The following CSMD1 variants were observed in gnomAD, a reference collection of about 807,000 sequenced individuals.
CSMD1 encodes the protein CUB and Sushi multiple domains 1, also known as CUB and sushi domain-containing protein 1.
In CSMD1, 213 loss-of-function variants were observed where a neutral mutation model predicts 417.5. The ratio of observed to expected loss-of-function variants is 0.51; its 90% confidence interval spans 0.46 to 0.57. CSMD1 has a LOEUF of 0.57. Ranked by LOEUF, CSMD1 falls within the 20% of genes least tolerant of loss-of-function variation. The probability of loss-of-function intolerance (pLI) is 0.00; values close to 1 mark genes in which losing one functional copy is unlikely to be tolerated. For synonymous variants in CSMD1, 2,862 were observed against 1,736.8 expected (o/e 1.65, Z -16.11); for missense variants, 6,923 against 4,529.7 (o/e 1.53, Z -15.17).
intron 18 of CSMD1, among the ~76,000 whole-genome samples, chr8:3,381,312 T>G (rs1463251808): frequency 6.6e-6 from 1 of 151,972 alleles, no homozygotes. Context: ...TATGTTAAAA[T>G]TCTATTTTTG....
chr8:4,082,328 AC>A (rs1391255058), intron 3 of CSMD1, among the ~76,000 whole-genome samples: 5 of 152,304 alleles, frequency 3.3e-5, no homozygotes, highest in African/African-American at 9.6e-5. Flanking sequence ...GATATTACAA[AC>A]TTTTTTAAAG....
chr8:4,301,206 C>T (rs11988129), intron 3 of CSMD1, among the ~76,000 whole-genome samples: 2 of 152,018 alleles, frequency 1.3e-5, no homozygotes, highest in Non-Finnish European at 2.9e-5. Context: ...GTCTGCTAAA[C>T]TTTTGGCTAG....
At chr8:3,725,744 T>C (rs762180738) in intron 6 of CSMD1, among the ~76,000 whole-genome samples, 1 of 152,026 alleles carries the variant, frequency 6.6e-6, no homozygotes, top group Non-Finnish European at 1.5e-5. Context: ...TGCTGTGTTG[T>C]TAGTGAGGGC....
chr8:3,894,842 C>T (rs1377357974), intron 5 of CSMD1, among the ~76,000 whole-genome samples: 1 of 152,170 alleles, frequency 6.6e-6, no homozygotes, highest in Non-Finnish European at 1.5e-5. Flanking sequence ...TTTGCTCTGG[C>T]TCTATTCTAA....
At position 4,005,365 on chromosome 8, in the gene CSMD1, C is replaced by T. The variant is rs560309577; in HGVS notation, c.611-7255G>A. The stretch of plus-strand genomic sequence containing the variant: ...CAGAAAACGTAATGCAGGGGCGGGT[C>T]CGGCTCCTTGAACAGACACACGTGG... On this transcript the variant is annotated intron_variant, in intron 4 of 69. Transcript: ENST00000635120. 2.0e-4 allele frequency among the ~76,000 whole-genome samples: 31 copies of T among 152,228 alleles called. No homozygotes were observed. The South Asian group carries it at 6.4e-3, about 32-fold the overall frequency.
intron 5 of CSMD1, among the ~76,000 whole-genome samples, chr8:3,801,788 G>A (rs886844887): frequency 6.6e-6 from 1 of 152,082 alleles, no homozygotes; most frequent in Non-Finnish European, 1.5e-5. Context: ...CATTTTACGG[G>A]TCATTAAAAA....
intron 3 of CSMD1, among the ~76,000 whole-genome samples, chr8:4,185,907 T>C (rs569173505): frequency 1.3e-5 from 2 of 152,256 alleles, no homozygotes; most frequent in Admixed American, 1.3e-4. Context: ...TTGTAAACTG[T>C]TATTACGTTG....
chr8:4,390,497 T>TTTTTTTTTTTTATTTATTTATTTA (rs58291340), intron 3 of CSMD1, among the ~76,000 whole-genome samples: 3 of 140,322 alleles, frequency 2.1e-5, no homozygotes, highest in Non-Finnish European at 4.6e-5. Context: ...AAGCGTCCAT[T>TTTTTTTTTTTTATTTATTTATTTA]TTTATTTATT....
intron 5 of CSMD1, among the ~76,000 whole-genome samples, chr8:3,925,767 T>G (rs2204224): frequency 6.6e-6 from 1 of 151,866 alleles, no homozygotes; most frequent in Non-Finnish European, 1.5e-5. Context: ...GTAAGTCCCA[T>G]TGAACCTCTT....
At chr8:4,645,491 G>A (rs577255911) in intron 1 of CSMD1, among the ~76,000 whole-genome samples, 193 of 145,970 alleles carry the variant, frequency 1.3e-3, no homozygotes, top group African/African-American at 4.5e-3. Context: ...CTGGGCTTCG[G>A]ATCAAACAAA....
intron 1 of CSMD1, among the ~76,000 whole-genome samples, chr8:4,655,065 A>G (rs1008514693): frequency 1.3e-5 from 2 of 152,170 alleles, no homozygotes; most frequent in African/African-American, 4.8e-5. Flanking sequence ...ATCTTTGTAA[A>G]TCATTTGTCC....
At chr8:3,069,410 G>A (rs1298816615) in intron 49 of CSMD1, among the ~76,000 whole-genome samples, 1 of 151,814 alleles carries the variant, frequency 6.6e-6, no homozygotes, top group African/African-American at 2.4e-5. Flanking sequence ...ACACCAGCAT[G>A]GGTGACAGAG....
chr8:4,905,721 G>A (rs947672811), intron 1 of CSMD1, among the ~76,000 whole-genome samples: 4 of 150,530 alleles, frequency 2.7e-5, no homozygotes, highest in African/African-American at 4.9e-5. Flanking sequence ...TCGGGAGGCT[G>A]AGGCAGGAGA....
chr8:4,177,370 C>T (rs1218668732), intron 3 of CSMD1, among the ~76,000 whole-genome samples: 4 of 151,996 alleles, frequency 2.6e-5, no homozygotes, highest in African/African-American at 7.3e-5. Flanking sequence ...TAAAGATGTT[C>T]TTTGAAACCA....
chr8:3,247,769 A>G (rs1799980923), intron 26 of CSMD1, among the ~76,000 whole-genome samples: 1 of 152,194 alleles, frequency 6.6e-6, no homozygotes, highest in East Asian at 1.9e-4. Flanking sequence ...CAAAACCAAC[A>G]ACAAAAAACC....
intron 52 of CSMD1, among the ~76,000 whole-genome samples, chr8:3,017,502 C>A (rs12115147): frequency 0.053 from 8,132 of 152,152 alleles, 215 homozygotes; most frequent in East Asian, 0.07. Context: ...AAATATATTA[C>A]ATAATACACT....
At chr8:4,269,793 G>A (rs930571042) in intron 3 of CSMD1, among the ~76,000 whole-genome samples, 2 of 152,126 alleles carry the variant, frequency 1.3e-5, no homozygotes, top group Admixed American at 6.5e-5. Context: ...ATTATATACA[G>A]GTGATACCCA....
intron 7 of CSMD1, among the ~76,000 whole-genome samples, chr8:3,685,284 G>C (rs1269393571): frequency 1.3e-5 from 2 of 152,178 alleles, no homozygotes; most frequent in Non-Finnish European, 2.9e-5. Context: ...ATTACGTTGA[G>C]TTTAATGACT....
At position 3,734,356 on chromosome 8, in the gene CSMD1, G is replaced by T. The variant is rs1011262552; in HGVS notation, c.931+19574C>A. Among the ~76,000 whole-genome samples the T allele has an allele frequency of 1.2e-4, 18 of 152,166 alleles. No homozygotes were observed. In the East Asian group the frequency reaches 3.5e-3, roughly 29 times the overall value. The stretch of plus-strand genomic sequence containing the variant: ...AGAGACTGATGAGGGCTGTTCGACA[G>T]CATCGTAGAAAAATGGATTTGCTTC... On this transcript the variant is annotated intron_variant, in intron 6 of 69. Coordinates refer to ENST00000635120, the MANE Select transcript of CSMD1 (RefSeq NM_033225.6).
Sources: allele counts gnomAD v4.1 joint callset (sites outside exome capture counted in the v4.1 genomes callset), GRCh38; gene constraint gnomAD v4.1.1; transcripts MANE v1.5; gene names NCBI Gene and HGNC (gene_info 2026-07-23, HGNC 2026-07-21).